CAMTA1: variants seen among roughly 807,000 people sequenced by gnomAD.
CAMTA1 encodes the protein calmodulin-binding transcription activator 1.
CAMTA1 carries 27 observed loss-of-function variants against 170.9 expected under a neutral mutation model. The observed-to-expected ratio is 0.16, with a 90% CI of 0.12 to 0.22. The LOEUF (loss-of-function observed/expected upper bound fraction) is 0.22, where lower values mean the gene tolerates loss of function less well. Among genes scored for constraint, CAMTA1 ranks in the 10% least tolerant of loss-of-function variants. The pLI is 1.00. For synonymous variants in CAMTA1, 833 were observed against 891.5 expected (o/e 0.93, Z 1.17); for missense variants, 1,619 against 2,217.2 (o/e 0.73, Z 5.42).
At chr1:6,946,598 T>A (rs1687614905) in intron 3 of CAMTA1, among the ~76,000 whole-genome samples, 1 of 152,256 alleles carries the variant, frequency 6.6e-6, no homozygotes. Context: ...TATCTTTTTA[T>A]ATATATTTGT....
Position 7,570,729 on chromosome 1 carries a change from C to T in CAMTA1, c.511-69671C>T, listed in dbSNP as rs2095115274. On this transcript the variant is annotated intron_variant, in intron 6 of 22. Transcript: ENST00000303635. This position sits in a 1 kb window ranked among gnomAD's most constrained non-coding sequence, Gnocchi z 4.3. ...GACCCTGCCTGGGACCCCTGCTTCC[C>T]CAGGTGGGTTTGAAGGGCCTCACCT... Among the ~76,000 whole-genome samples, 2 of 152,214 alleles carry T rather than the reference C, an allele frequency of 1.3e-5. No individual in the cohort carries two copies. The highest frequency in any genetic ancestry group is 1.3e-4 in the Admixed American group (2 of 15,292).
chr1:7,190,683 T>C (rs1316899913), intron 4 of CAMTA1, among the ~76,000 whole-genome samples: 3 of 152,148 alleles, frequency 2.0e-5, no homozygotes, highest in Admixed American at 6.5e-5. Flanking sequence ...AAAACAAATA[T>C]AGTAAGCCCA....
At chr1:6,796,132 CTTTTTTTTTTTTTTTT>C (rs978363793) in intron 1 of CAMTA1, among the ~76,000 whole-genome samples, 1 of 70,946 alleles carries the variant, frequency 1.4e-5, no homozygotes, top group Non-Finnish European at 2.9e-5. Flanking sequence ...AATAGCATTT[CTTTTTTTTTTTTTTTT>C]TTTTTTTTTT....
At chr1:7,656,281 A>T (rs1191646753) in intron 7 of CAMTA1, among the ~76,000 whole-genome samples, 1 of 152,208 alleles carries the variant, frequency 6.6e-6, no homozygotes, top group Non-Finnish European at 1.5e-5. Context: ...GAAGTCCAAG[A>T]TTAAGGGGAC....
chr1:6,928,679 G>A (rs912429564), intron 3 of CAMTA1, among the ~76,000 whole-genome samples: 4 of 152,070 alleles, frequency 2.6e-5, no homozygotes, highest in Admixed American at 2.6e-4. Context: ...CTCACCCCAG[G>A]ACCTTTGCAC....
rs183998318 is a variant in CAMTA1 at position 7,067,246 on chromosome 1, G to A, written c.235-24058G>A. Among the ~76,000 whole-genome samples, 1 of 152,162 alleles carries A rather than the reference G, an allele frequency of 6.6e-6. No homozygotes were observed. Among genetic ancestry groups the A allele is most frequent in the South Asian group, 2.1e-4 (1 of 4,830 alleles). ...AGAGTTATCTCTGCTTCCTAGGGAC[G>A]AAGGCCTCTCCCGGGGCTGGGAAGT... On this transcript the variant is annotated intron_variant, in intron 3 of 22. Coordinates refer to ENST00000303635, the MANE Select transcript of CAMTA1 (RefSeq NM_015215.4). This position sits in a 1 kb window ranked among gnomAD's most constrained non-coding sequence, Gnocchi z 4.3.
Position 7,682,317 on chromosome 1 carries a change from C to G in CAMTA1, c.2914+4584C>G, listed in dbSNP as rs1401170790. On this transcript the variant is annotated intron_variant, in intron 11 of 22. Transcript: ENST00000303635. This position sits in a 1 kb window ranked among gnomAD's most constrained non-coding sequence, Gnocchi z 5.0. ...GCCCCTGCAGCTGGCCAGAGACAGACGGGGTTATCCTGTGACTTCTGGGGC... is the reference window on the plus strand; with the variant it reads ...GCCCCTGCAGCTGGCCAGAGACAGAGGGGGTTATCCTGTGACTTCTGGGGC... Among the ~76,000 whole-genome samples, 1 of 152,206 alleles carries G rather than the reference C, an allele frequency of 6.6e-6. No homozygotes were observed. Among genetic ancestry groups the G allele is most frequent in the Non-Finnish European group, 1.5e-5 (1 of 68,028 alleles).
chr1:7,461,951 G>C (rs1213677594), intron 5 of CAMTA1, among the ~76,000 whole-genome samples: 1 of 152,238 alleles, frequency 6.6e-6, no homozygotes, highest in Non-Finnish European at 1.5e-5. Flanking sequence ...CCCCTTCCCT[G>C]CCCTGCCTAA....
intron 5 of CAMTA1, among the ~76,000 whole-genome samples, chr1:7,279,595 T>C (rs1485896569): frequency 1.3e-5 from 2 of 152,096 alleles, no homozygotes; most frequent in African/African-American, 4.8e-5. Flanking sequence ...CAGAACACCA[T>C]AAACAAAATG....
intron 4 of CAMTA1, among the ~76,000 whole-genome samples, chr1:7,209,157 G>A (rs1658303871): frequency 6.6e-6 from 1 of 152,138 alleles, no homozygotes; most frequent in Non-Finnish European, 1.5e-5. Flanking sequence ...TAGTTTCCTT[G>A]ATGCGCAGAG....
In CAMTA1 at chr1:6,970,364, C is replaced by A. The variant is rs1427781670; in HGVS notation, c.235-120940C>A. Among the ~76,000 whole-genome samples the A allele has an allele frequency of 6.6e-6, 1 of 152,130 alleles. No individual in the cohort carries two copies. Among genetic ancestry groups the A allele is most frequent in the African/African-American group, 2.4e-5 (1 of 41,416 alleles). ...TAAGCATCCTCCATATGTATTGGAGCCGTGGAGTGCTCACAGACAGCATTC... is the reference window on the plus strand; with the variant it reads ...TAAGCATCCTCCATATGTATTGGAGACGTGGAGTGCTCACAGACAGCATTC... On this transcript the variant is annotated intron_variant, in intron 3 of 22. Transcript: ENST00000303635. The surrounding 1 kb of genome is among the most constrained non-coding windows in gnomAD (Gnocchi z 4.4).
At chr1:6,820,491 C>G (rs921380528) in intron 2 of CAMTA1, among the ~76,000 whole-genome samples, 1 of 152,178 alleles carries the variant, frequency 6.6e-6, no homozygotes, top group South Asian at 2.1e-4. Context: ...ACGGAGAAAT[C>G]AAAGCACTTA....
chr1:7,747,681 A>T, intron 18 of CAMTA1, 29 bp from the exon 19 acceptor site: 1 of 1,519,034 alleles, frequency 6.6e-7, no homozygotes, highest in Non-Finnish European at 9.0e-7. Flanking sequence ...ATCATTACTG[A>T]TTTTTTTTCT....
chr1:7,750,918 G>C, intron 19 of CAMTA1: 1 of 567,668 alleles, frequency 1.8e-6, no homozygotes. Context: ...AACGTCTAAG[G>C]GTATTGCTAT....
intron 4 of CAMTA1, among the ~76,000 whole-genome samples, chr1:7,103,642 CACACA>C (rs550110556): frequency 7.1e-4 from 99 of 140,178 alleles, no homozygotes; most frequent in East Asian, 1.8e-3. Flanking sequence ...CACACACGCA[CACACA>C]ACACAACACA....
chr1:7,367,142 G>A (rs1329833879), intron 5 of CAMTA1, among the ~76,000 whole-genome samples: 4 of 152,164 alleles, frequency 2.6e-5, no homozygotes, highest in African/African-American at 9.7e-5. Flanking sequence ...GAGTTGGCTG[G>A]GACCCAAGCC....
chr1:7,731,166 CACA>C (rs2096730232), intron 11 of CAMTA1, among the ~76,000 whole-genome samples: 1 of 152,174 alleles, frequency 6.6e-6, no homozygotes, highest in Non-Finnish European at 1.5e-5. Context: ...GGTACAGAAT[CACA>C]ACGTGTTTTC....
chr1:7,229,545 AT>A (rs1558278492), intron 4 of CAMTA1, among the ~76,000 whole-genome samples: 2 of 49,526 alleles, frequency 4.0e-5, no homozygotes, highest in Non-Finnish European at 7.3e-5. Context: ...GGATTGGAGG[AT>A]GGGGATGGGG....
chr1:7,437,149 C>A (rs976948508), intron 5 of CAMTA1, among the ~76,000 whole-genome samples: 5 of 152,148 alleles, frequency 3.3e-5, no homozygotes, highest in African/African-American at 1.2e-4. Context: ...CAGCCCTATC[C>A]TCCCCGGATG....
Sources: allele counts gnomAD v4.1 joint callset (sites outside exome capture counted in the v4.1 genomes callset), GRCh38; gene constraint gnomAD v4.1.1; non-coding constraint Gnocchi (gnomAD v3.1); transcripts MANE v1.5; gene names NCBI Gene and HGNC (gene_info 2026-07-23, HGNC 2026-07-21).